The following GNAQ variants were observed in gnomAD, a reference collection of about 807,000 sequenced individuals.
GNAQ encodes G protein subunit alpha q.
GNAQ carries 8 observed loss-of-function variants against 43.9 expected under a neutral mutation model. The ratio of observed to expected loss-of-function variants is 0.18; its 90% confidence interval spans 0.11 to 0.33. GNAQ has a LOEUF of 0.33. Ranked by LOEUF, GNAQ falls within the 10% of genes least tolerant of loss-of-function variation. The pLI is 1.00. For synonymous variants in GNAQ, 155 were observed against 170.7 expected, an observed-to-expected ratio of 0.91 and a Z score of 0.71; for missense variants, 158 against 450.8, an observed-to-expected ratio of 0.35 and a Z score of 5.88.
chr9:78,015,025 T>C (rs1290465415), intron 1 of GNAQ, among the ~76,000 whole-genome samples: 2 of 152,194 alleles, frequency 1.3e-5, no homozygotes, highest in East Asian at 3.9e-4. Flanking sequence ...TACAGTCATG[T>C]CCTAGACCCT....
rs1439933224 is a variant in GNAQ, at chr9:77,759,919, TC to T, written c.736-31253del. ...TTTTCTTTCTTTCTTTTTTTTCTTTTCCTTTTTCTTTTTCTTTTTTTTTTGA... is the reference window on the plus strand; with the variant it reads ...TTTTCTTTCTTTCTTTTTTTTCTTTTCTTTTTCTTTTTCTTTTTTTTTTGA... On this transcript the variant is annotated intron_variant, in intron 5 of 6. Transcript: ENST00000286548. Among the ~76,000 whole-genome samples, 770 of 150,712 alleles carry T rather than the reference TC, an allele frequency of 5.1e-3. 3 individuals are homozygous for T. The highest frequency in any genetic ancestry group is 0.018 in the African/African-American group (726 of 41,034).
chr9:77,830,837 CCACA>C (rs5898566), intron 2 of GNAQ, among the ~76,000 whole-genome samples: 30,133 of 150,352 alleles, frequency 0.2, 4,654 homozygotes, highest in African/African-American at 0.43. Context: ...AGGTGTTATA[CCACA>C]CACACACACA....
At chr9:78,015,654 T>G (rs1408993502) in intron 1 of GNAQ, among the ~76,000 whole-genome samples, 2 of 151,718 alleles carry the variant, frequency 1.3e-5, no homozygotes, top group African/African-American at 2.4e-5. Flanking sequence ...TTCCAAAAAG[T>G]AGAAACAGTA....
intron 2 of GNAQ, among the ~76,000 whole-genome samples, chr9:77,859,275 G>A (rs762481391): frequency 2.6e-5 from 4 of 152,132 alleles, no homozygotes; most frequent in Non-Finnish European, 5.9e-5. Context: ...CAGAAACGAA[G>A]AGCTAATGAA....
chr9:78,016,656 T>C (rs1296565757), intron 1 of GNAQ, among the ~76,000 whole-genome samples: 2 of 150,012 alleles, frequency 1.3e-5, no homozygotes, highest in African/African-American at 4.9e-5. Flanking sequence ...CACTCCGGCC[T>C]GGGCGACAGA....
intron 5 of GNAQ, among the ~76,000 whole-genome samples, chr9:77,760,921 C>A (rs1415287692): frequency 6.7e-6 from 1 of 149,216 alleles, no homozygotes; most frequent in Non-Finnish European, 1.5e-5. Flanking sequence ...AGGTGAGGAG[C>A]ATCTCTGCCC....
At chr9:77,810,571 A>C (rs1158330073) in intron 3 of GNAQ, among the ~76,000 whole-genome samples, 1 of 152,212 alleles carries the variant, frequency 6.6e-6, no homozygotes, top group East Asian at 1.9e-4. Flanking sequence ...AAGGCTTTTC[A>C]TATCCCAGAC....
intron 1 of GNAQ, 126 bp downstream of exon 1, chr9:78,030,974 C>A: frequency 1.7e-6 from 1 of 575,808 alleles, no homozygotes; most frequent in Non-Finnish European, 2.5e-6. Context: ...GCCGGGGGCG[C>A]GCCCGGGAGG....
intron 5 of GNAQ, among the ~76,000 whole-genome samples, chr9:77,788,106 ATG>A (rs1826512550): frequency 6.6e-6 from 1 of 152,172 alleles, no homozygotes; most frequent in South Asian, 2.1e-4. Flanking sequence ...ACGACAAACC[ATG>A]TAGTGACAGA....
chr9:77,725,781 G>A (rs1324388831), intron 6 of GNAQ, among the ~76,000 whole-genome samples: 7 of 152,032 alleles, frequency 4.6e-5, no homozygotes, highest in African/African-American at 9.7e-5. Flanking sequence ...CTTTTATTGC[G>A]GAAAAATCAG....
At chr9:77,905,504 A>C (rs529766179) in intron 2 of GNAQ, among the ~76,000 whole-genome samples, 1 of 152,304 alleles carries the variant, frequency 6.6e-6, no homozygotes, top group Non-Finnish European at 1.5e-5. Context: ...ATGAAAGAAT[A>C]AAATTTCAAA....
chr9:77,845,443 G>C (rs1827569487), intron 2 of GNAQ, among the ~76,000 whole-genome samples: 1 of 152,088 alleles, frequency 6.6e-6, no homozygotes, highest in African/African-American at 2.4e-5. Context: ...GGTTACATTG[G>C]TAAATATCTG....
chr9:77,964,313 A>G (rs534548856), intron 1 of GNAQ, among the ~76,000 whole-genome samples: 28 of 152,300 alleles, frequency 1.8e-4, no homozygotes, highest in African/African-American at 6.5e-4. Context: ...GGACAAGTCT[A>G]CGATTATACT....
intron 2 of GNAQ, among the ~76,000 whole-genome samples, chr9:77,847,493 C>G (rs893643083): frequency 6.6e-6 from 1 of 152,026 alleles, no homozygotes; most frequent in Non-Finnish European, 1.5e-5. Flanking sequence ...CAATTTGCTA[C>G]AGCAGATATC....
chr9:77,998,808 C>T (rs1288556007), intron 1 of GNAQ, among the ~76,000 whole-genome samples: 7 of 151,958 alleles, frequency 4.6e-5, no homozygotes, highest in African/African-American at 7.3e-5. Context: ...TTAAAAGGGC[C>T]GGGCACGGTG....
chr9:77,910,284 T>C (rs1339617418), intron 2 of GNAQ, among the ~76,000 whole-genome samples: 2 of 152,190 alleles, frequency 1.3e-5, no homozygotes, highest in Non-Finnish European at 2.9e-5. Context: ...TCGACCTCCA[T>C]TCAGGCATTC....
intron 3 of GNAQ, among the ~76,000 whole-genome samples, chr9:77,805,040 A>G (rs1826804811): frequency 6.6e-6 from 1 of 152,156 alleles, no homozygotes; most frequent in Non-Finnish European, 1.5e-5. Context: ...TATGACCACA[A>G]AAGTCCAAAG....
chr9:77,876,131 A>T lies in GNAQ; in HGVS notation c.321+46030T>A, dbSNP rs138444257. Reference sequence around the variant, plus strand: ...ATAAAATGTAACTACTGATTTTTTTAAAAAATAGCCCCTGAAGCAGAAAAA... The same window carrying T: ...ATAAAATGTAACTACTGATTTTTTTTAAAAATAGCCCCTGAAGCAGAAAAA... On this transcript the variant is annotated intron_variant, in intron 2 of 6. Coordinates refer to ENST00000286548, the MANE Select transcript of GNAQ (RefSeq NM_002072.5). Among the ~76,000 whole-genome samples the T allele has an allele frequency of 5.2e-3, 796 of 152,320 alleles. 33 individuals carry two copies. Among genetic ancestry groups the T allele is most frequent in the Admixed American group, 0.047 (720 of 15,302 alleles).
rs572144245 is a variant in GNAQ at position 77,932,669 on chromosome 9, AG to A, written c.137-10325del. On this transcript the variant is annotated intron_variant, in intron 1 of 6. Coordinates refer to ENST00000286548, the MANE Select transcript of GNAQ (RefSeq NM_002072.5). The stretch of plus-strand genomic sequence containing the variant: ...ACAGCAGCTGGATGGCAGAGGTAGG[AG>A]GCACGGCAGGAGCACAGGCTACAGT... 4.9e-3 allele frequency among the ~76,000 whole-genome samples: 753 copies of A among 152,292 alleles called. 8 individuals carry two copies. Among genetic ancestry groups the A allele is most frequent in the African/African-American group, 0.017 (716 of 41,562 alleles).
Sources: gnomAD v4.1 joint callset for allele counts (sites outside exome capture counted in the v4.1 genomes callset) on GRCh38, gnomAD v4.1.1 for gene constraint, MANE v1.5 for transcripts, NCBI Gene and HGNC (gene_info 2026-07-23, HGNC 2026-07-21) for gene names.